DOCK9: variants seen among roughly 807,000 people sequenced by gnomAD.
DOCK9 encodes dedicator of cytokinesis protein 9.
In DOCK9, 89 loss-of-function variants were observed where a neutral mutation model predicts 263.3. The observed-to-expected ratio is 0.34, with a 90% CI of 0.28 to 0.40. The LOEUF is 0.40. Among genes scored for constraint, DOCK9 ranks in the 10% least tolerant of loss-of-function variants. The pLI is 1.00. For missense variants in DOCK9, 2,140 were observed against 2,603.4 expected (o/e 0.82, Z 3.87); for synonymous variants, 976 against 973.1 (o/e 1.00, Z -0.06).
chr13:98,979,239 G>GCAGCA (rs1555439581), upstream of DOCK9, among the ~76,000 whole-genome samples: 16 of 117,438 alleles, frequency 1.4e-4, no homozygotes, highest in Non-Finnish European at 2.4e-4. Flanking sequence ...TAGCAGCAGC[G>GCAGCA]GCGGCAGCAG....
At chr13:99,018,285 G>C (rs1458627134) in intron 1 of DOCK9, among the ~76,000 whole-genome samples, 1 of 152,164 alleles carries the variant, frequency 6.6e-6, no homozygotes, top group Non-Finnish European at 1.5e-5. Context: ...TCTAATAAAA[G>C]AATGAGGTCA....
At chr13:98,873,171 C>T (rs1411936546) in intron 27 of DOCK9, among the ~76,000 whole-genome samples, 1 of 152,206 alleles carries the variant, frequency 6.6e-6, no homozygotes, top group Non-Finnish European at 1.5e-5. Flanking sequence ...AGCGCCTTCC[C>T]ATTTTCCCTT....
chr13:98,942,339 C>T (rs528373069), intron 2 of DOCK9, among the ~76,000 whole-genome samples: 32 of 151,496 alleles, frequency 2.1e-4, no homozygotes, highest in Admixed American at 1.2e-3. Context: ...CCCAGGTTCA[C>T]GCCATTCTCC....
At chr13:99,016,176 C>T (rs939042507) in intron 1 of DOCK9, 3 of 151,956 alleles carry the variant, frequency 2.0e-5, no homozygotes, top group Non-Finnish European at 4.4e-5. Context: ...AATCCTGCAT[C>T]AGCGGGAAAC....
chr13:98,903,622 C>CAAAAAAAAAAAAAAAAAAAAAAAAAA (rs200600461), intron 10 of DOCK9, among the ~76,000 whole-genome samples: 1 of 124,172 alleles, frequency 8.1e-6, no homozygotes. Flanking sequence ...AAAAAAAAGA[C>CAAAAAAAAAAAAAAAAAAAAAAAAAA]AAAAAAAAAA....
At chr13:98,906,897 T>TTAA (rs2049194135) in intron 9 of DOCK9, among the ~76,000 whole-genome samples, 1 of 152,182 alleles carries the variant, frequency 6.6e-6, no homozygotes, top group African/African-American at 2.4e-5. Flanking sequence ...GGTAAAAATG[T>TTAA]TAAACAAGAT....
At chr13:99,022,128 C>T (rs1886192578) in intron 1 of DOCK9, among the ~76,000 whole-genome samples, 1 of 152,086 alleles carries the variant, frequency 6.6e-6, no homozygotes, top group Non-Finnish European at 1.5e-5. Flanking sequence ...CATCTATTTT[C>T]CCCATCTCAA....
chr13:98,964,709 G>A (rs1307294883), intron 1 of DOCK9, among the ~76,000 whole-genome samples: 2 of 152,176 alleles, frequency 1.3e-5, no homozygotes, highest in Non-Finnish European at 2.9e-5. Flanking sequence ...GCTGCATAAA[G>A]GGGGCTTGGG....
intron 1 of DOCK9, among the ~76,000 whole-genome samples, chr13:99,032,160 G>A (rs1595946323): frequency 1.3e-5 from 2 of 152,128 alleles, no homozygotes; most frequent in South Asian, 4.1e-4. Flanking sequence ...GAGTGCCAAT[G>A]AGATTATACA....
intron 1 of DOCK9, among the ~76,000 whole-genome samples, chr13:98,956,039 C>T (rs1201463607): frequency 1.3e-5 from 2 of 152,212 alleles, no homozygotes; most frequent in African/African-American, 4.8e-5. Flanking sequence ...ATATCCCTGC[C>T]TATCCCCAGA....
intron 27 of DOCK9, among the ~76,000 whole-genome samples, chr13:98,869,043 C>CAG (rs2094122641): frequency 6.6e-6 from 1 of 152,206 alleles, no homozygotes; most frequent in Non-Finnish European, 1.5e-5. Context: ...TTTGATGATT[C>CAG]TGATGCCTGT....
chr13:98,814,406 CT>C (rs36080691), intron 45 of DOCK9, among the ~76,000 whole-genome samples: 192 of 139,070 alleles, frequency 1.4e-3, no homozygotes, highest in Admixed American at 1.8e-3. Flanking sequence ...AGAAGTACGT[CT>C]TTTTTTTTTT....
chr13:98,984,570 A>G (rs919367935), intron 1 of DOCK9, among the ~76,000 whole-genome samples: 5 of 152,216 alleles, frequency 3.3e-5, no homozygotes, highest in African/African-American at 1.2e-4. Flanking sequence ...ACATGGTACT[A>G]TTAGTGATTC....
At chr13:98,845,454 C>T (rs2093359537) in intron 38 of DOCK9, 1 of 976,998 alleles carries the variant, frequency 1.0e-6, no homozygotes, top group Admixed American at 3.0e-5. Flanking sequence ...TATGTTTTCA[C>T]AGTAGTGCAA....
At chr13:98,842,018 A>T (rs1309437106) in intron 38 of DOCK9, among the ~76,000 whole-genome samples, 3 of 152,072 alleles carry the variant, frequency 2.0e-5, no homozygotes, top group Non-Finnish European at 4.4e-5. Context: ...AAGATATATT[A>T]TCCATGCTTT....
At chr13:98,871,861 G>A (rs9517472) in intron 27 of DOCK9, 77,074 of 152,744 alleles carry the variant, frequency 0.5, 19,899 homozygotes, top group Middle Eastern at 0.59. Flanking sequence ...AGCCACATGC[G>A]GGATGCCATG....
rs575960821 is a variant in DOCK9, at chr13:98,795,638, A to G, written c.6157-890T>C. 1.1e-4 allele frequency among the ~76,000 whole-genome samples: 17 copies of G among 152,288 alleles called. No individual in the cohort carries two copies. The South Asian group carries it at 3.5e-3, about 32-fold the overall frequency. On this transcript the variant is annotated intron_variant, in intron 52 of 52. Transcript: ENST00000682017. ...ACCCACTGACCAAACTCTCCATTCT[A>G]TAGGAATCTGGAGGCTCCACAGAAA... is the stretch of plus-strand genomic sequence containing the variant.
chr13:98,817,529 A>C (rs906307406), intron 45 of DOCK9, among the ~76,000 whole-genome samples: 3 of 129,630 alleles, frequency 2.3e-5, no homozygotes, highest in Non-Finnish European at 4.6e-5. Context: ...CTGGGTTCAC[A>C]TGATCCTCCA....
chr13:98,915,426 T>G lies in DOCK9; in HGVS notation c.795A>C (p.Glu265Asp), dbSNP rs1336037273. ...KSSYLLAADS[E>D]VEMEEWITIL... is the part of the protein sequence containing the mutation. ...TTGTGATCCATTCTTCCATTTCCACTTCACTGTCTGCTGCCAAGAGATAAC... is the reference window on the plus strand; with the variant it reads ...TTGTGATCCATTCTTCCATTTCCACGTCACTGTCTGCTGCCAAGAGATAAC... Residue 265 changes from glutamate (E) to aspartate (D), a missense_variant, in exon 8 of 53, where the codon GAA (glutamate) becomes GAC (aspartate). Around this residue, in one of 2 missense-constraint regions of DOCK9, gnomAD observed 1,521 missense variants for 1,741.7 expected, o/e 0.87. Coordinates refer to ENST00000682017, the MANE Select transcript of DOCK9 (RefSeq NM_001366683.2). 6.2e-7 allele frequency: 1 copy of G among 1,614,010 alleles called. No homozygotes were observed. The highest frequency in any genetic ancestry group is 2.2e-5 in the East Asian group (1 of 44,890).
Sources: allele counts gnomAD v4.1 joint callset (sites outside exome capture counted in the v4.1 genomes callset), GRCh38; gene constraint gnomAD v4.1.1; regional missense constraint gnomAD v4.1.1; transcripts MANE v1.5; gene names NCBI Gene and HGNC (gene_info 2026-07-23, HGNC 2026-07-21).